The following PPP2R1A variants were observed in gnomAD, a reference collection of about 807,000 sequenced individuals.
PPP2R1A encodes protein phosphatase 2 scaffold subunit Aalpha.
A neutral mutation model predicts 67.1 loss-of-function variants in PPP2R1A; 15 were observed. The observed-to-expected ratio is 0.22, with a 90% CI of 0.15 to 0.34. The LOEUF is 0.34. Among genes scored for constraint, PPP2R1A ranks in the 10% least tolerant of loss-of-function variants. The pLI is 1.00. For missense variants in PPP2R1A, 369 were observed against 775.0 expected (o/e 0.48, Z 6.22); for synonymous variants, 337 against 325.0 (o/e 1.04, Z -0.40).
At chr19:52,220,078 G>A in intron 10 of PPP2R1A, 111 bp from the exon 11 acceptor site, 1 of 1,320,424 alleles carries the variant, frequency 7.6e-7, no homozygotes, top group Non-Finnish European at 1.1e-6. Flanking sequence ...ACAAAGTTGA[G>A]AAGTGTCCGG....
rs993319755 is a variant in PPP2R1A at position 52,213,472 on chromosome 19, T to G, written c.807+362T>G. Among the ~76,000 whole-genome samples, 5 of 117,872 alleles carry G rather than the reference T, an allele frequency of 4.2e-5. No individual in the cohort carries two copies. The highest frequency in any genetic ancestry group is 7.9e-5 in the Admixed American group (1 of 12,692). The allele number at this position is 117,872 out of a possible 152,430, so 77.3% of individuals were successfully genotyped here. A position where few individuals can be genotyped will look rare whatever the true frequency, so the allele number is the denominator to read the frequency against. ...GTTTTTTGGTGTTTTTTTTTTTTTT[T>G]TTTTTTTTTTTTTTTAAGATGGAGT... On this transcript the variant is annotated intron_variant, in intron 6 of 14. Transcript: ENST00000322088. This position sits in a 1 kb window ranked among gnomAD's most constrained non-coding sequence, Gnocchi z 4.2.
Position 52,190,112 on chromosome 19 carries a change from G to A in PPP2R1A, c.16G>A (p.Gly6Ser), listed in dbSNP as rs1383491401. The part of the protein sequence containing the change: MAAAD[G>S]DDSLYPIAVL... Reference sequence around the variant, plus strand: ...CGGAGCCAAGATGGCGGCGGCCGACGGCGACGACTCGCTGTACCCCATCGC... The same window carrying A: ...CGGAGCCAAGATGGCGGCGGCCGACAGCGACGACTCGCTGTACCCCATCGC... Residue 6 changes from glycine (G) to serine (S), a missense_variant, in exon 1 of 15, where the codon GGC (glycine) becomes AGC (serine). Around this residue, in one of 2 missense-constraint regions of PPP2R1A, gnomAD observed 93 missense variants for 266.5 expected, o/e 0.35. Transcript: ENST00000322088. The A allele has an allele frequency of 1.2e-5, 18 of 1,550,446 alleles. No individual in the cohort carries two copies. The highest frequency in any genetic ancestry group is 1.6e-5 in the Non-Finnish European group (18 of 1,146,716).
intron 1 of PPP2R1A, 60 bp downstream of exon 1, chr19:52,190,234 C>T (rs765749755): frequency 2.0e-6 from 3 of 1,522,210 alleles, no homozygotes; most frequent in Non-Finnish European, 2.7e-6. Flanking sequence ...GCACGGGCGG[C>T]CCTCGCGGAG....
Position 52,229,075 on chromosome 19 carries a change from C to A in PPP2R1A, c.*3094C>A, listed in dbSNP as rs1426011456. The A allele has an allele frequency of 6.6e-6, 1 of 152,194 alleles. No individual in the cohort carries two copies. Among genetic ancestry groups the A allele is most frequent in the Non-Finnish European group, 1.5e-5 (1 of 68,088 alleles). The allele number at this position is 152,194 out of a possible 1,614,324, so 9.4% of individuals were successfully genotyped here. Reference sequence around the variant, plus strand: ...TGAACTGCAGGGCACCGACAAGATTCTGCCTGTGGCCATCAGGGCTGGAGG... The same window carrying A: ...TGAACTGCAGGGCACCGACAAGATTATGCCTGTGGCCATCAGGGCTGGAGG... On this transcript the variant is annotated 3_prime_UTR_variant, in exon 15 of 15. Transcript: ENST00000322088.
rs909847870 is a variant in PPP2R1A, at chr19:52,212,548, G to T, written c.504-138G>T. 1.1e-5 allele frequency: 11 copies of T among 1,036,528 alleles called. No homozygotes were observed. The African/African-American group carries it at 1.1e-4, about 11-fold the overall frequency. 64.2% of individuals were successfully genotyped at this position (1,036,528 alleles called of 1,614,324 possible). A position where few individuals can be genotyped will look rare whatever the true frequency, so the allele number is the denominator to read the frequency against. ...GTTACTATCAGCTCCGTTTCATAGGGCTGGGAAGACAGAGAGGGGGTCATC... is the reference window on the plus strand; with the variant it reads ...GTTACTATCAGCTCCGTTTCATAGGTCTGGGAAGACAGAGAGGGGGTCATC... On this transcript the variant is annotated intron_variant, in intron 4 of 14. Coordinates refer to ENST00000322088, the MANE Select transcript of PPP2R1A (RefSeq NM_014225.6). This position sits in a 1 kb window ranked among gnomAD's most constrained non-coding sequence, Gnocchi z 4.1.
rs112836714 is a variant in PPP2R1A, at chr19:52,221,456, G to A, written c.1518+323G>A. Among the ~76,000 whole-genome samples, 937 of 152,258 alleles carry A rather than the reference G, an allele frequency of 6.2e-3. 9 individuals are homozygous for A. The highest frequency in any genetic ancestry group is 0.021 in the African/African-American group (877 of 41,538). On this transcript the variant is annotated intron_variant, in intron 12 of 14. Transcript: ENST00000322088. ...AAATGTGTGTCTCTATCTGTGGTGC[G>A]TTGGGTGAGTGTATGGGCTCTAGGT...
intron 3 of PPP2R1A, among the ~76,000 whole-genome samples, chr19:52,210,969 T>C (rs929185033): frequency 6.6e-6 from 1 of 152,226 alleles, no homozygotes; most frequent in Admixed American, 6.5e-5. Context: ...GAAAGCAACG[T>C]GTGTAATTTT....
At chr19:52,190,623 G>C (rs913234139) in intron 1 of PPP2R1A, among the ~76,000 whole-genome samples, 2 of 152,204 alleles carry the variant, frequency 1.3e-5, no homozygotes, top group African/African-American at 4.8e-5. Flanking sequence ...CGACTGCTGG[G>C]CCAAGTGGGG....
At chr19:52,193,429 A>T (rs1172521116) in intron 1 of PPP2R1A, among the ~76,000 whole-genome samples, 2 of 152,216 alleles carry the variant, frequency 1.3e-5, no homozygotes, top group African/African-American at 2.4e-5. Context: ...CTAGACATAC[A>T]GTAGGGAACA....
rs1417465131 is a variant in PPP2R1A, at chr19:52,228,714, T to C, written c.*2733T>C. Reference sequence around the variant, plus strand: ...CAGCAGTCACACTGGCCATCTCTAATGGTTCCTTCCACAGCACTGTTCTTC... The same window carrying C: ...CAGCAGTCACACTGGCCATCTCTAACGGTTCCTTCCACAGCACTGTTCTTC... On this transcript the variant is annotated 3_prime_UTR_variant, in exon 15 of 15. Coordinates refer to ENST00000322088, the MANE Select transcript of PPP2R1A (RefSeq NM_014225.6). The C allele has an allele frequency of 6.6e-6, 1 of 152,246 alleles. No individual in the cohort carries two copies. The allele number at this position is 152,246 out of a possible 1,614,324, so 9.4% of individuals were successfully genotyped here.
Position 52,228,705 on chromosome 19 carries a change from C to T in PPP2R1A, c.*2724C>T, listed in dbSNP as rs888382345. 2 of 152,234 alleles carry T rather than the reference C, an allele frequency of 1.3e-5. No individual in the cohort carries two copies. Among genetic ancestry groups the T allele is most frequent in the African/African-American group, 4.8e-5 (2 of 41,426 alleles). The allele number at this position is 152,234 out of a possible 1,614,324, so 9.4% of individuals were successfully genotyped here. A position where few individuals can be genotyped will look rare whatever the true frequency, so the allele number is the denominator to read the frequency against. On this transcript the variant is annotated 3_prime_UTR_variant, in exon 15 of 15. Transcript: ENST00000322088. ...CCTAAATCCCAGCAGTCACACTGGCCATCTCTAATGGTTCCTTCCACAGCA... is the reference window on the plus strand; with the variant it reads ...CCTAAATCCCAGCAGTCACACTGGCTATCTCTAATGGTTCCTTCCACAGCA...
chr19:52,190,251 C>A, intron 1 of PPP2R1A, 77 bp downstream of exon 1: 2 of 1,488,252 alleles, frequency 1.3e-6, no homozygotes, highest in Non-Finnish European at 1.8e-6. Flanking sequence ...GGAGAAGACT[C>A]AGCGTTCGCT....
intron 1 of PPP2R1A, 89 bp from the exon 2 acceptor site, chr19:52,201,855 C>T (rs2089552581): frequency 1.6e-6 from 2 of 1,250,634 alleles, no homozygotes; most frequent in South Asian, 2.5e-5. Flanking sequence ...AGCAAGGCTT[C>T]CAGGGGCTGA....
Position 52,229,342 on chromosome 19 carries a change from G to A in PPP2R1A, c.*3361G>A, listed in dbSNP as rs1400895154. On this transcript the variant is annotated 3_prime_UTR_variant, in exon 15 of 15. Transcript: ENST00000322088. ...CGCCTGTAATCCCAGCTACTCAGGAGGCTGAGGCGGGAGGATTGCTTGAAC... is the reference window on the plus strand; with the variant it reads ...CGCCTGTAATCCCAGCTACTCAGGAAGCTGAGGCGGGAGGATTGCTTGAAC... 1 of 152,252 alleles carries A rather than the reference G, an allele frequency of 6.6e-6. No individual in the cohort carries two copies. The highest frequency in any genetic ancestry group is 1.9e-4 in the East Asian group (1 of 5,206). The allele number at this position is 152,252 out of a possible 1,614,324, so 9.4% of individuals were successfully genotyped here. A position where few individuals can be genotyped will look rare whatever the true frequency, so the allele number is the denominator to read the frequency against.
intron 13 of PPP2R1A, chr19:52,222,514 A>G: frequency 3.1e-6 from 1 of 319,234 alleles, no homozygotes; most frequent in Non-Finnish European, 5.7e-6. Flanking sequence ...ATATGTAAGT[A>G]TGTGTATAAT....
chr19:52,207,382 A>G (rs1233691241), intron 3 of PPP2R1A, among the ~76,000 whole-genome samples: 2 of 152,200 alleles, frequency 1.3e-5, no homozygotes. Context: ...AGGCTTCAAC[A>G]AGGGCCCCCA....
At chr19:52,214,324 C>T (rs551349859) in intron 6 of PPP2R1A, among the ~76,000 whole-genome samples, 1 of 152,100 alleles carries the variant, frequency 6.6e-6, no homozygotes, top group Non-Finnish European at 1.5e-5. Context: ...CGCCCTTTGC[C>T]TTTAATTATG....
At chr19:52,190,282 A>G (rs916442588) in intron 1 of PPP2R1A, 108 bp downstream of exon 1, 24 of 1,278,422 alleles carry the variant, frequency 1.9e-5, no homozygotes, top group African/African-American at 6.0e-5. Context: ...GAAGGGGGCG[A>G]CGGCCAATCA....
rs910400749 is a variant in PPP2R1A, at chr19:52,219,381, T to C, written c.1129-310T>C. ...TGTTAGCAAGCAGCGGAGCTAGGAT[T>C]AGAAGAATCATGTCTGCCTGTTTTT... On this transcript the variant is annotated intron_variant, in intron 9 of 14. Coordinates refer to ENST00000322088, the MANE Select transcript of PPP2R1A (RefSeq NM_014225.6). The surrounding 1 kb of genome is among the most constrained non-coding windows in gnomAD (Gnocchi z 4.0). Among the ~76,000 whole-genome samples the C allele has an allele frequency of 6.6e-5, 10 of 152,240 alleles. No homozygotes were observed. The highest frequency in any genetic ancestry group is 1.5e-4 in the Non-Finnish European group (10 of 68,046).
Sources: allele counts gnomAD v4.1 joint callset (sites outside exome capture counted in the v4.1 genomes callset), GRCh38; gene constraint gnomAD v4.1.1; regional missense constraint gnomAD v4.1.1; non-coding constraint Gnocchi (gnomAD v3.1); transcripts MANE v1.5; gene names NCBI Gene and HGNC (gene_info 2026-07-23, HGNC 2026-07-21).